The following DAB1 variants were observed in gnomAD, a reference collection of about 807,000 sequenced individuals.
The protein encoded by DAB1 is disabled homolog 1.
A neutral mutation model predicts 64.6 loss-of-function variants in DAB1; 15 were observed. The ratio of observed to expected loss-of-function variants is 0.23; its 90% confidence interval spans 0.16 to 0.36. The LOEUF is 0.36. Ranked by LOEUF, DAB1 falls within the 10% of genes least tolerant of loss-of-function variation. The pLI is 1.00. For missense variants in DAB1, 596 were observed against 706.7 expected (o/e 0.84, Z 1.78); for synonymous variants, 235 against 251.9 (o/e 0.93, Z 0.64).
intron 7 of DAB1, among the ~76,000 whole-genome samples, chr1:57,510,211 G>A (rs1644391189): frequency 6.6e-6 from 1 of 152,150 alleles, no homozygotes; most frequent in Non-Finnish European, 1.5e-5. Context: ...AAGGACACCA[G>A]TGCCTTCCAT....
intron 2 of DAB1, among the ~76,000 whole-genome samples, chr1:57,209,734 T>G (rs1251497044): frequency 6.6e-6 from 1 of 152,178 alleles, no homozygotes; most frequent in African/African-American, 2.4e-5. Flanking sequence ...ATGTGTGTAA[T>G]GCCTAGTTCA....
intron 5 of DAB1, among the ~76,000 whole-genome samples, chr1:57,949,493 ATC>A (rs1645235718): frequency 2.0e-5 from 3 of 150,380 alleles, no homozygotes; most frequent in Admixed American, 6.6e-5. Flanking sequence ...CTATCTATCT[ATC>A]TATCTATCTA....
At chr1:58,105,812 C>T (rs947652498) in intron 5 of DAB1, among the ~76,000 whole-genome samples, 5 of 152,160 alleles carry the variant, frequency 3.3e-5, no homozygotes, top group Non-Finnish European at 5.9e-5. Flanking sequence ...CAACTCACTC[C>T]AAAAAGGCAA....
At chr1:57,848,167 A>G (rs1653368533) in intron 1 of DAB1, among the ~76,000 whole-genome samples, 1 of 152,238 alleles carries the variant, frequency 6.6e-6, no homozygotes, top group African/African-American at 2.4e-5. Context: ...AACATTGACC[A>G]TCCAAAGTGA....
intron 4 of DAB1, among the ~76,000 whole-genome samples, chr1:57,108,417 C>T (rs961590901): frequency 2.0e-5 from 3 of 152,178 alleles, no homozygotes; most frequent in African/African-American, 7.2e-5. Flanking sequence ...AGTTCCTTCT[C>T]ACCCTAGGAT....
At chr1:58,293,328 C>G (rs1341546723) in intron 4 of DAB1, among the ~76,000 whole-genome samples, 3 of 152,186 alleles carry the variant, frequency 2.0e-5, no homozygotes, top group Admixed American at 2.0e-4. Context: ...ACTGCAGCTT[C>G]TCAGTAGTCC....
chr1:58,478,483 T>C (rs989091350), intron 3 of DAB1, among the ~76,000 whole-genome samples: 2 of 152,174 alleles, frequency 1.3e-5, no homozygotes, highest in African/African-American at 4.8e-5. Flanking sequence ...CACTTGGTCA[T>C]TGGTCAACCT....
Position 58,236,101 on chromosome 1 carries a change from GC to G in DAB1, n.310-85514del, listed in dbSNP as rs1234995859. ...TACCCCTTGGCCTGCAGCCCTGCCCGCCCCCCCGCCCCACCCCGCCCCGCCC... is the reference window on the plus strand; with the variant it reads ...TACCCCTTGGCCTGCAGCCCTGCCCGCCCCCCGCCCCACCCCGCCCCGCCC... On this transcript the variant is annotated intron_variant and non_coding_transcript_variant, in intron 4 of 20. Transcript: ENST00000485760. 1.2e-4 allele frequency among the ~76,000 whole-genome samples: 4 copies of G among 32,124 alleles called. No individual in the cohort carries two copies. The East Asian group carries it at 4.3e-3, about 34-fold the overall frequency. 21.1% of individuals were successfully genotyped at this position (32,124 alleles called of 152,430 possible). A position where few individuals can be genotyped will look rare whatever the true frequency, so the allele number is the denominator to read the frequency against.
intron 14 of DAB1, 135 bp downstream of exon 14, chr1:57,010,545 T>G: frequency 2.1e-6 from 1 of 480,538 alleles, no homozygotes; most frequent in Non-Finnish European, 3.8e-6. Context: ...GGAGCGATGG[T>G]GCAAACATCA....
chr1:57,616,257 A>G (rs1002280551), intron 7 of DAB1, among the ~76,000 whole-genome samples: 2 of 152,144 alleles, frequency 1.3e-5, no homozygotes, highest in Admixed American at 1.3e-4. Context: ...AGAAGACTCT[A>G]TCTCACTGTT....
chr1:58,135,021 C>A (rs1653863099), intron 5 of DAB1, among the ~76,000 whole-genome samples: 2 of 152,200 alleles, frequency 1.3e-5, no homozygotes. Flanking sequence ...GTGGGTCATG[C>A]TGTCAGAAAC....
At chr1:57,948,654 G>A (rs1645219808) in intron 5 of DAB1, among the ~76,000 whole-genome samples, 4 of 152,330 alleles carry the variant, frequency 2.6e-5, no homozygotes, top group Non-Finnish European at 5.9e-5. Flanking sequence ...AGGTCCCCAG[G>A]CCCAGGCCAA....
chr1:57,179,870 T>C lies in DAB1; in HGVS notation c.68-34441A>G, dbSNP rs551743723. 1.2e-4 allele frequency among the ~76,000 whole-genome samples: 19 copies of C among 152,302 alleles called. No individual in the cohort carries two copies. The South Asian group carries it at 3.3e-3, about 27-fold the overall frequency. Reference sequence around the variant, plus strand: ...ACGGTGGACATCAATCCTTAGGATATTAACCTGTGAACCAGAGGATTACAA... The same window carrying C: ...ACGGTGGACATCAATCCTTAGGATACTAACCTGTGAACCAGAGGATTACAA... On this transcript the variant is annotated intron_variant, in intron 2 of 14. Transcript: ENST00000371236.
intron 7 of DAB1, among the ~76,000 whole-genome samples, chr1:57,589,214 C>T (rs1645414930): frequency 1.3e-5 from 2 of 151,818 alleles, no homozygotes; most frequent in African/African-American, 2.4e-5. Context: ...CAGCGAAACT[C>T]CATCTCAAAA....
chr1:57,061,563 C>T (rs867909923), intron 9 of DAB1, among the ~76,000 whole-genome samples: 1 of 152,168 alleles, frequency 6.6e-6, no homozygotes, highest in Non-Finnish European at 1.5e-5. Context: ...GGAAGGTCAG[C>T]CTCACTTTGA....
At chr1:58,119,599 G>A (rs1652614224) in intron 5 of DAB1, among the ~76,000 whole-genome samples, 1 of 152,008 alleles carries the variant, frequency 6.6e-6, no homozygotes, top group Non-Finnish European at 1.5e-5. Context: ...GAGAAAACAG[G>A]GCCTGACCTG....
chr1:58,217,482 C>T (rs572033744), intron 4 of DAB1, among the ~76,000 whole-genome samples: 2 of 152,306 alleles, frequency 1.3e-5, no homozygotes, highest in South Asian at 4.1e-4. Context: ...CATTCCTTTA[C>T]CCACTTATTC....
chr1:58,459,198 G>A (rs115123423), intron 3 of DAB1, among the ~76,000 whole-genome samples: 347 of 152,314 alleles, frequency 2.3e-3, no homozygotes, highest in African/African-American at 7.8e-3. Context: ...TGAGCATTGC[G>A]TTATCTACTG....
intron 1 of DAB1, among the ~76,000 whole-genome samples, chr1:57,301,986 C>T (rs537647002): frequency 3.5e-4 from 53 of 152,282 alleles, no homozygotes; most frequent in Admixed American, 4.6e-4. Context: ...TTTTTCTTCT[C>T]GCTCTCCTCA....
Sources: allele counts gnomAD v4.1 joint callset (sites outside exome capture counted in the v4.1 genomes callset), GRCh38; gene constraint gnomAD v4.1.1; transcripts MANE v1.5; gene names NCBI Gene and HGNC (gene_info 2026-07-23, HGNC 2026-07-21).